Variants in ATAD5 observed in about 807,000 individuals in gnomAD.
ATAD5 encodes the protein ATPase family AAA domain containing 5.
ATAD5 carries 58 observed loss-of-function variants against 176.9 expected under a neutral mutation model. The observed-to-expected ratio is 0.33, with a 90% CI of 0.27 to 0.41. ATAD5 has a LOEUF of 0.41. Among genes scored for constraint, ATAD5 ranks in the 10% least tolerant of loss-of-function variants. ATAD5 has a pLI of 1.00. For synonymous variants in ATAD5, 640 were observed against 712.6 expected, an observed-to-expected ratio of 0.90 and a Z score of 1.62; for missense variants, 1,789 against 2,094.1, an observed-to-expected ratio of 0.85 and a Z score of 2.84.
At chr17:30,888,803 C>A (rs1217820594) in intron 19 of ATAD5, among the ~76,000 whole-genome samples, 1 of 152,002 alleles carries the variant, frequency 6.6e-6, no homozygotes, top group Admixed American at 6.6e-5. Context: ...TGCAGTGGCT[C>A]ACGCCTGTAA....
rs778433899 is a variant in ATAD5 at position 30,844,935 on chromosome 17, T to C, written c.2450+19T>C. On this transcript the variant is annotated intron_variant, in intron 6 of 22. Transcript: ENST00000321990. Reference sequence around the variant, plus strand: ...AAAGCAGGTCAGTCCAATACAAATTTTTAAATGCCAAAATATTTTATAGAA... The same window carrying C: ...AAAGCAGGTCAGTCCAATACAAATTCTTAAATGCCAAAATATTTTATAGAA... 6.5e-7 allele frequency: 1 copy of C among 1,545,082 alleles called. No homozygotes were observed. The highest frequency in any genetic ancestry group is 1.4e-5 in the African/African-American group (1 of 71,490).
At chr17:30,894,747 T>C (rs1246399598) in intron 22 of ATAD5, 25 bp downstream of exon 22, 2 of 1,576,556 alleles carry the variant, frequency 1.3e-6, no homozygotes, top group Admixed American at 1.9e-5. Context: ...AAAAACAACA[T>C]TTTAGATAGC....
At chr17:30,867,333 G>A (rs759240911) in intron 11 of ATAD5, among the ~76,000 whole-genome samples, 2 of 152,094 alleles carry the variant, frequency 1.3e-5, no homozygotes, top group African/African-American at 2.4e-5. Context: ...CCAAGGATTC[G>A]AGGCTGCAGT....
intron 6 of ATAD5, among the ~76,000 whole-genome samples, chr17:30,852,398 C>A (rs1448284894): frequency 3.9e-5 from 6 of 152,208 alleles, no homozygotes; most frequent in African/African-American, 1.4e-4. Context: ...TCTCTGTGGA[C>A]CCCTGGTTCC....
intron 20 of ATAD5, 50 bp downstream of exon 20, chr17:30,892,838 T>A (rs774696700): frequency 1.5e-6 from 2 of 1,374,004 alleles, no homozygotes; most frequent in East Asian, 4.7e-5. Flanking sequence ...CCTTTTCATA[T>A]TCCCAACATT....
chr17:30,841,965 A>G (rs1057358134), intron 4 of ATAD5, among the ~76,000 whole-genome samples: 5 of 152,128 alleles, frequency 3.3e-5, no homozygotes, highest in African/African-American at 1.2e-4. Context: ...AAAAATAAAA[A>G]CAAATTAAAA....
In ATAD5 at chr17:30,834,574, G is replaced by A; in HGVS notation, c.493G>A (p.Val165Ile). 3 of 1,608,834 alleles carry A rather than the reference G, an allele frequency of 1.9e-6. No individual in the cohort carries two copies. The highest frequency in any genetic ancestry group is 2.2e-5 in the South Asian group (2 of 89,374). ...STSVLRYKKQ[V>I]EVLAENIQDT... ...TTCTGTTTTACGTTACAAGAAACAA[G>A]TAGAGGTACTTGCAGAAAACATTCA... Residue 165 changes from valine (V) to isoleucine (I), a missense_variant, in exon 2 of 23, where the codon GTA (valine) becomes ATA (isoleucine). Val to Ile is a conservative substitution (Grantham distance 29). Coordinates refer to ENST00000321990, the MANE Select transcript of ATAD5 (RefSeq NM_024857.5).
intron 6 of ATAD5, 116 bp downstream of exon 6, chr17:30,845,032 G>C: frequency 1.0e-6 from 1 of 957,516 alleles, no homozygotes; most frequent in Non-Finnish European, 1.5e-6. Context: ...AGTAAGTCCA[G>C]TTTCAAAGTT....
At chr17:30,871,856 A>ATAAC (rs1446981253) in intron 14 of ATAD5, among the ~76,000 whole-genome samples, 2 of 151,964 alleles carry the variant, frequency 1.3e-5, no homozygotes, top group Non-Finnish European at 2.9e-5. Flanking sequence ...TTTTGTACCT[A>ATAAC]TAACTGTTCG....
chr17:30,881,434 G>C (rs925521235), intron 18 of ATAD5, among the ~76,000 whole-genome samples: 4 of 152,056 alleles, frequency 2.6e-5, no homozygotes, highest in African/African-American at 9.7e-5. Flanking sequence ...CTAGTAATTG[G>C]GATTGGAGAC....
At chr17:30,878,172 A>G in intron 17 of ATAD5, 76 bp downstream of exon 17, 1 of 958,362 alleles carries the variant, frequency 1.0e-6, no homozygotes, top group Non-Finnish European at 1.6e-6. Context: ...AGTAATTATA[A>G]TTAACTCACA....
intron 18 of ATAD5, among the ~76,000 whole-genome samples, chr17:30,882,085 C>T (rs1057281742): frequency 4.0e-5 from 6 of 151,812 alleles, no homozygotes; most frequent in African/African-American, 7.3e-5. Context: ...TGAGAAACCC[C>T]GTGTCTACTA....
At chr17:30,866,175 G>A (rs116221567) in intron 11 of ATAD5, among the ~76,000 whole-genome samples, 3,835 of 128,754 alleles carry the variant, frequency 0.03, 184 homozygotes, top group African/African-American at 0.1. Flanking sequence ...ACACTTAGTA[G>A]AATTTACAAA....
Position 30,892,740 on chromosome 17 carries a change from C to A in ATAD5, c.4392C>A (p.Gly1464=), listed in dbSNP as rs151295798. The A allele has an allele frequency of 2.7e-5, 43 of 1,578,096 alleles. No homozygotes were observed. Among genetic ancestry groups the A allele is most frequent in the Non-Finnish European group, 3.5e-5 (41 of 1,164,202 alleles). ...GTGGCTGTGCTGAGACCTTGTTTGG[C>A]CTTAAGAACATTTTTTCCCCATCTG... The part of the protein sequence containing the change: ...CDSGCAETLF[G]LKNIFSPSED... The change falls in exon 20 of 23, where the codon GGC becomes GGA. Residue 1464 remains glycine (G), a synonymous_variant. Coordinates refer to ENST00000321990, the MANE Select transcript of ATAD5 (RefSeq NM_024857.5).
intron 6 of ATAD5, among the ~76,000 whole-genome samples, chr17:30,850,896 T>G (rs1906918125): frequency 3.4e-5 from 3 of 87,500 alleles, no homozygotes; most frequent in Non-Finnish European, 6.8e-5. Flanking sequence ...TTTTTTTTTT[T>G]TTTTTTGAGA....
At chr17:30,890,885 C>T (rs1358133470) in intron 19 of ATAD5, among the ~76,000 whole-genome samples, 1 of 146,530 alleles carries the variant, frequency 6.8e-6, no homozygotes, top group African/African-American at 2.7e-5. Context: ...GCAAAATTAA[C>T]CAGTATTATA....
chr17:30,893,435 T>G lies in ATAD5; in HGVS notation c.4582T>G (p.Phe1528Val), dbSNP rs1204797800. 2 of 1,613,800 alleles carry G rather than the reference T, an allele frequency of 1.2e-6. No homozygotes were observed. Among genetic ancestry groups the G allele is most frequent in the East Asian group, 2.2e-5 (1 of 44,872 alleles). ...TGATACCATTCCAGAAACTAAAAACTTTTGTGGCCCATCAGTAACTGTGGA... is the reference window on the plus strand; with the variant it reads ...TGATACCATTCCAGAAACTAAAAACGTTTGTGGCCCATCAGTAACTGTGGA... ...PVDTIPETKNFCGPSVTVDAS... is the reference protein window; with the variant it reads ...PVDTIPETKNVCGPSVTVDAS... Residue 1528 changes from phenylalanine (F) to valine (V), a missense_variant, in exon 21 of 23, where the codon TTT (phenylalanine) becomes GTT (valine). Physicochemically the swap from Phe to Val is conservative, Grantham distance 50. Transcript: ENST00000321990.
chr17:30,877,948 T>C, intron 16 of ATAD5, 55 bp from the exon 17 acceptor site: 1 of 1,224,102 alleles, frequency 8.2e-7, no homozygotes, highest in East Asian at 2.5e-5. Context: ...TTACTATGTA[T>C]ACATAACTGA....
chr17:30,839,282 A>G (rs1185254275), intron 3 of ATAD5, among the ~76,000 whole-genome samples: 1 of 151,036 alleles, frequency 6.6e-6, no homozygotes, highest in East Asian at 1.9e-4. Context: ...TTAAATAGAT[A>G]TATCTTTTTT....
Sources: allele counts gnomAD v4.1 joint callset (sites outside exome capture counted in the v4.1 genomes callset), GRCh38; gene constraint gnomAD v4.1.1; transcripts MANE v1.5; gene names NCBI Gene and HGNC (gene_info 2026-07-23, HGNC 2026-07-21).